DOCK1: variants seen among roughly 807,000 people sequenced by gnomAD.
DOCK1 encodes the protein dedicator of cytokinesis protein 1.
Under a neutral mutation model 262.7 loss-of-function variants are expected in DOCK1, and 138 were observed. The ratio of observed to expected loss-of-function variants is 0.53; its 90% CI spans 0.46 to 0.61. The LOEUF (loss-of-function observed/expected upper bound fraction) is 0.61. Among genes scored for constraint, DOCK1 ranks in the 20% least tolerant of loss-of-function variants. The pLI is 0.00. For synonymous variants in DOCK1, 866 were observed against 867.4 expected (o/e 1.00, Z 0.03); for missense variants, 1,908 against 2,370.7 (o/e 0.80, Z 4.05).
At chr10:127,065,620 C>T (rs757718964) in intron 23 of DOCK1, among the ~76,000 whole-genome samples, 3 of 152,096 alleles carry the variant, frequency 2.0e-5, no homozygotes, top group Admixed American at 2.0e-4. Context: ...TTTCCCAGCA[C>T]CCCACCATGC....
At chr10:127,034,536 A>T (rs937691835) in intron 18 of DOCK1, among the ~76,000 whole-genome samples, 7 of 152,114 alleles carry the variant, frequency 4.6e-5, no homozygotes, top group Non-Finnish European at 7.3e-5. Flanking sequence ...GGACTTGGTT[A>T]TGGAAAGGAT....
chr10:127,227,414 C>T (rs1416699602), intron 27 of DOCK1, among the ~76,000 whole-genome samples: 1 of 152,194 alleles, frequency 6.6e-6, no homozygotes, highest in Non-Finnish European at 1.5e-5. Context: ...GAGCTGCATC[C>T]CAGTGTGTCC....
intron 33 of DOCK1, among the ~76,000 whole-genome samples, chr10:127,370,087 A>G (rs902566432): frequency 3.3e-5 from 5 of 152,080 alleles, no homozygotes; most frequent in African/African-American, 1.2e-4. Context: ...CTCAGGGGGT[A>G]AGGTGTGGTT....
chr10:127,137,554 G>T, intron 27 of DOCK1: 1 of 324,752 alleles, frequency 3.1e-6, no homozygotes, highest in Non-Finnish European at 5.6e-6. Flanking sequence ...GATCGGGGGT[G>T]GGGGAAAATT....
chr10:127,123,963 A>G (rs2049781207), intron 25 of DOCK1, among the ~76,000 whole-genome samples: 1 of 152,216 alleles, frequency 6.6e-6, no homozygotes, highest in East Asian at 1.9e-4. Context: ...ATTGGACAAA[A>G]CTTCTTGTAA....
rs140483747 is a variant in DOCK1, at chr10:127,347,659, G to C, written c.3224+3913G>C. Reference sequence around the variant, plus strand: ...ATGGGCGCTGACTTGGAGCCCCGTGGAGCTTGATGCATGCACCTGTCTGTT... The same window carrying C: ...ATGGGCGCTGACTTGGAGCCCCGTGCAGCTTGATGCATGCACCTGTCTGTT... On this transcript the variant is annotated intron_variant, in intron 31 of 51. Coordinates refer to ENST00000623213, the MANE Select transcript of DOCK1 (RefSeq NM_001290223.2). 4.9e-3 allele frequency among the ~76,000 whole-genome samples: 744 copies of C among 151,402 alleles called. 2 individuals are homozygous for C. The highest frequency in any genetic ancestry group is 8.5e-3 in the Non-Finnish European group (578 of 67,794).
At chr10:127,300,945 G>C (rs1415558114) in intron 29 of DOCK1, among the ~76,000 whole-genome samples, 1 of 152,212 alleles carries the variant, frequency 6.6e-6, no homozygotes, top group Non-Finnish European at 1.5e-5. Flanking sequence ...GGGCGCATCC[G>C]CTCACTGTAA....
At chr10:127,442,404 C>G (rs1244350279) in intron 49 of DOCK1, among the ~76,000 whole-genome samples, 1 of 152,170 alleles carries the variant, frequency 6.6e-6, no homozygotes, top group Non-Finnish European at 1.5e-5. Flanking sequence ...TGGGGGAGAA[C>G]GTTGACCCCT....
At position 127,418,557 on chromosome 10, in the gene DOCK1, G is replaced by A. The variant is rs892019619; in HGVS notation, c.4692+16G>A. 5.0e-5 allele frequency: 80 copies of A among 1,607,440 alleles called. No homozygotes were observed. Among genetic ancestry groups the A allele is most frequent in the Non-Finnish European group, 6.4e-5 (75 of 1,177,310 alleles). On this transcript the variant is annotated intron_variant, in intron 45 of 51. Transcript: ENST00000623213. ...CTACGAAAAGGTACGGGACCCACCA[G>A]CTTGCTCTGGGCAAGCAGTCCTGCC...
chr10:127,154,292 G>T (rs1026368281), intron 27 of DOCK1, among the ~76,000 whole-genome samples: 1 of 152,150 alleles, frequency 6.6e-6, no homozygotes. Flanking sequence ...GCTTATGTTT[G>T]CTCTACCCCA....
chr10:126,914,326 G>A (rs1341393016), intron 1 of DOCK1, among the ~76,000 whole-genome samples: 1 of 152,164 alleles, frequency 6.6e-6, no homozygotes, highest in Non-Finnish European at 1.5e-5. Context: ...CCTATGATTT[G>A]TTGCTGCATC....
intron 40 of DOCK1, among the ~76,000 whole-genome samples, chr10:127,405,516 A>G (rs1334247184): frequency 6.7e-6 from 1 of 149,634 alleles, no homozygotes; most frequent in African/African-American, 2.5e-5. Context: ...GGCTTTAGGA[A>G]GCAGAAGCTC....
At chr10:127,410,812 A>G (rs752197757) in intron 42 of DOCK1, 28 bp from the exon 43 acceptor site, 1 of 1,606,992 alleles carries the variant, frequency 6.2e-7, no homozygotes, top group South Asian at 1.1e-5. Flanking sequence ...CGGGTTAAAT[A>G]TCTAATGATC....
intron 16 of DOCK1, among the ~76,000 whole-genome samples, chr10:127,027,679 G>A (rs1045063545): frequency 6.6e-6 from 1 of 152,134 alleles, no homozygotes; most frequent in African/African-American, 2.4e-5. Context: ...CTTCTGGCAC[G>A]CTGCCTGGTA....
chr10:127,084,618 G>A (rs1463311021), intron 23 of DOCK1, among the ~76,000 whole-genome samples: 1 of 152,222 alleles, frequency 6.6e-6, no homozygotes, highest in Non-Finnish European at 1.5e-5. Context: ...ACAAGTGAAT[G>A]TCTGCACAAA....
At chr10:127,016,652 TACACAC>T (rs140317971) in intron 12 of DOCK1, 6 of 75,872 alleles carry the variant, frequency 7.9e-5, no homozygotes, top group East Asian at 7.4e-4. Context: ...CACACACACA[TACACAC>T]ACACACATGC....
chr10:127,225,403 G>A (rs1346626205), intron 27 of DOCK1, among the ~76,000 whole-genome samples: 3 of 152,216 alleles, frequency 2.0e-5, no homozygotes, highest in Admixed American at 6.5e-5. Flanking sequence ...CCTGGCTTGC[G>A]AGCCTTGATG....
At chr10:127,360,366 AGG>A (rs58892357) in intron 32 of DOCK1, among the ~76,000 whole-genome samples, 32,800 of 151,990 alleles carry the variant, frequency 0.22, 3,782 homozygotes, top group Middle Eastern at 0.35. Context: ...AACTAGCAGG[AGG>A]GGGAGGGGCT....
chr10:127,408,089 C>G (rs1399795561), intron 40 of DOCK1, among the ~76,000 whole-genome samples: 1 of 152,118 alleles, frequency 6.6e-6, no homozygotes, highest in East Asian at 1.9e-4. Context: ...GCAAGGAAAA[C>G]GTTCCTTACA....
Sources: gnomAD v4.1 joint callset for allele counts (sites outside exome capture counted in the v4.1 genomes callset) on GRCh38, gnomAD v4.1.1 for gene constraint, MANE v1.5 for transcripts, NCBI Gene and HGNC (gene_info 2026-07-23, HGNC 2026-07-21) for gene names.